RMDN2: variants seen among roughly 807,000 people sequenced by gnomAD.
RMDN2 encodes the protein regulator of microtubule dynamics 2, also known as regulator of microtubule dynamics protein 2.
A neutral mutation model predicts 52.8 loss-of-function variants in RMDN2; 61 were observed. The ratio of observed to expected loss-of-function variants is 1.16; its 90% CI spans 0.94 to 1.43. RMDN2 has a LOEUF of 1.43. Ranked by LOEUF, RMDN2 falls within the 40% of genes most tolerant of loss-of-function variation. The pLI, the probability that RMDN2 is intolerant of heterozygous loss-of-function variation, is 0.00. For synonymous variants in RMDN2, 180 were observed against 153.1 expected (o/e 1.18, Z -1.30); for missense variants, 592 against 475.3 (o/e 1.25, Z -2.28).
At position 37,959,137 on chromosome 2, in the gene RMDN2, G is replaced by A. The variant is rs909269971; in HGVS notation, c.453-14903G>A. Among the ~76,000 whole-genome samples the A allele has an allele frequency of 7.3e-5, 11 of 151,004 alleles. 1 individual carries two copies. The highest frequency in any genetic ancestry group is 7.4e-5 in the African/African-American group (3 of 40,288). On this transcript the variant is annotated intron_variant, in intron 2 of 10. Transcript: ENST00000354545. ...TCTTTTTATGTTGTTTCTCTGCCAG[G>A]TTTTGGTATCAGGATGATGCTGGCC...
intron 10 of RMDN2, among the ~76,000 whole-genome samples, chr2:38,006,110 G>A (rs1365467622): frequency 6.6e-6 from 1 of 152,216 alleles, no homozygotes; most frequent in Non-Finnish European, 1.5e-5. Flanking sequence ...CTGTAGCCTT[G>A]TAGTATAGTT....
rs776357587 is a variant in RMDN2, at chr2:37,951,657, G to T, written c.452+21928G>T. On this transcript the variant is annotated intron_variant, in intron 2 of 10. Transcript: ENST00000354545. ...GAGTGCCATTTTTTTTGATCCTCAA[G>T]CAAGTGGCCAGAATGTGTTTAATCT... The T allele has an allele frequency of 1.2e-6, 2 of 1,613,210 alleles. No individual in the cohort carries two copies. The highest frequency in any genetic ancestry group is 2.2e-5 in the East Asian group (1 of 44,840).
At chr2:37,924,365 T>C (rs951360139), upstream of RMDN2, among the ~76,000 whole-genome samples, 6 of 152,192 alleles carry the variant, frequency 3.9e-5, no homozygotes, top group African/African-American at 1.2e-4. Flanking sequence ...ACAGAAGCAG[T>C]GTATGTACTG....
Position 38,047,197 on chromosome 2 carries a change from A to G in RMDN2, c.1714-19785A>G, listed in dbSNP as rs193232587. 3.5e-4 allele frequency among the ~76,000 whole-genome samples: 54 copies of G among 152,344 alleles called. 1 individual carries two copies. In the South Asian group the frequency reaches 0.01, roughly 29 times the overall value. On this transcript the variant is annotated intron_variant, in intron 10 of 10. Transcript: ENST00000234195. The stretch of plus-strand genomic sequence containing the variant: ...AGAAGAAATACTATGTTTTTAGACT[A>G]AAAGGAAACGACATCATATGGTAAC...
chr2:37,945,523 C>T (rs1172471897), intron 2 of RMDN2, among the ~76,000 whole-genome samples: 4 of 152,028 alleles, frequency 2.6e-5, no homozygotes, highest in East Asian at 1.9e-4. Context: ...TACCTTGGCA[C>T]CAAGAGTAAT....
chr2:38,060,256 T>C (rs1681997377), intron 10 of RMDN2, among the ~76,000 whole-genome samples: 1 of 152,092 alleles, frequency 6.6e-6, no homozygotes, highest in African/African-American at 2.4e-5. Context: ...TTTTGTTTTT[T>C]ATTAACAAGG....
At chr2:37,975,486 T>A (rs1321865854) in intron 4 of RMDN2, among the ~76,000 whole-genome samples, 172 bp downstream of exon 4, 1 of 152,006 alleles carries the variant, frequency 6.6e-6, no homozygotes, top group Non-Finnish European at 1.5e-5. Flanking sequence ...ATGTTCTCAC[T>A]CATAAGTGGG....
chr2:37,996,633 C>T (rs1408009597), intron 7 of RMDN2, among the ~76,000 whole-genome samples: 2 of 148,156 alleles, frequency 1.3e-5, no homozygotes, highest in Non-Finnish European at 3.0e-5. Context: ...ATATTGGCTA[C>T]CAAGGAATCT....
intron 5 of RMDN2, among the ~76,000 whole-genome samples, chr2:37,986,337 C>T (rs1443043430): frequency 1.3e-5 from 2 of 152,048 alleles, no homozygotes; most frequent in Non-Finnish European, 2.9e-5. Context: ...CAGAAAGCAT[C>T]AGGACCAGAC....
At chr2:37,964,242 C>T (rs1473883639) in intron 2 of RMDN2, among the ~76,000 whole-genome samples, 1 of 152,194 alleles carries the variant, frequency 6.6e-6, no homozygotes, top group Non-Finnish European at 1.5e-5. Flanking sequence ...GGCGGAGGGG[C>T]TCCTCCATAC....
At chr2:37,930,501 A>AG (rs1666642225) in intron 2 of RMDN2, among the ~76,000 whole-genome samples, 1 of 152,156 alleles carries the variant, frequency 6.6e-6, no homozygotes, top group Non-Finnish European at 1.5e-5. Context: ...CCTGGGAGCG[A>AG]GGGGCACCCC....
At chr2:37,950,829 G>T (rs528074360) in intron 2 of RMDN2, among the ~76,000 whole-genome samples, 49 of 152,212 alleles carry the variant, frequency 3.2e-4, no homozygotes, top group African/African-American at 1.1e-3. Flanking sequence ...AAATACAGTA[G>T]TTAGTAATCT....
Position 38,037,366 on chromosome 2 carries a change from C to A in RMDN2, c.1714-29616C>A, listed in dbSNP as rs375893165. 5.9e-5 allele frequency among the ~76,000 whole-genome samples: 9 copies of A among 152,350 alleles called. No homozygotes were observed. The East Asian group carries it at 1.7e-3, about 29-fold the overall frequency. On this transcript the variant is annotated intron_variant, in intron 10 of 10. Transcript: ENST00000234195. Reference sequence around the variant, plus strand: ...GCTCTTTATCCTCATACCCTGGCCACACCACAAAAGCTGCCCACATAGAAG... The same window carrying A: ...GCTCTTTATCCTCATACCCTGGCCAAACCACAAAAGCTGCCCACATAGAAG...
At chr2:38,058,092 T>A (rs1681911269) in intron 10 of RMDN2, among the ~76,000 whole-genome samples, 1 of 152,244 alleles carries the variant, frequency 6.6e-6, no homozygotes, top group Non-Finnish European at 1.5e-5. Flanking sequence ...GAAAGCCACC[T>A]TAACTCTTGG....
intron 10 of RMDN2, among the ~76,000 whole-genome samples, chr2:38,066,693 C>G (rs1682297128): frequency 6.6e-6 from 1 of 152,218 alleles, no homozygotes; most frequent in African/African-American, 2.4e-5. Context: ...GTCTTATACT[C>G]TGTTGGATTG....
intron 10 of RMDN2, among the ~76,000 whole-genome samples, chr2:38,012,290 C>G (rs1009225550): frequency 6.6e-6 from 1 of 152,222 alleles, no homozygotes; most frequent in Admixed American, 6.5e-5. Context: ...AGCCCCTATA[C>G]TTTTCCTTGC....
upstream of RMDN2, among the ~76,000 whole-genome samples, chr2:37,924,373 C>A (rs1666122560): frequency 6.6e-6 from 1 of 152,142 alleles, no homozygotes. Flanking sequence ...AGTGTATGTA[C>A]TGTTTTGTTT....
chr2:38,039,392 C>G (rs1680816124), intron 10 of RMDN2: 2 of 152,144 alleles, frequency 1.3e-5, no homozygotes, highest in African/African-American at 4.8e-5. Context: ...CTGGGCACCC[C>G]CAGGCACTCC....
At chr2:37,961,056 C>G (rs1055800913) in intron 2 of RMDN2, among the ~76,000 whole-genome samples, 33 of 152,284 alleles carry the variant, frequency 2.2e-4, no homozygotes, top group African/African-American at 7.7e-4. Context: ...GCAGAGAGAT[C>G]TCCTGTTAGT....
Sources: allele counts gnomAD v4.1 joint callset (sites outside exome capture counted in the v4.1 genomes callset), GRCh38; gene constraint gnomAD v4.1.1; transcripts MANE v1.5; gene names NCBI Gene and HGNC (gene_info 2026-07-23, HGNC 2026-07-21).